The following THSD4 variants were observed in gnomAD, a reference collection of about 807,000 sequenced individuals.
THSD4 encodes the protein thrombospondin type 1 domain containing 4.
THSD4 carries 69 observed loss-of-function variants against 119.0 expected under a neutral mutation model. That is an observed-to-expected ratio of 0.58 (90% confidence interval 0.48 to 0.71). The LOEUF (loss-of-function observed/expected upper bound fraction) is 0.71, where lower values mean the gene tolerates loss of function less well. Among genes scored for constraint, THSD4 ranks in the 30% least tolerant of loss-of-function variants. THSD4 has a pLI of 0.00. For missense variants in THSD4, 1,393 were observed against 1,391.1 expected, an observed-to-expected ratio of 1.00 and a Z score of -0.02; for synonymous variants, 524 against 540.4, an observed-to-expected ratio of 0.97 and a Z score of 0.42.
chr15:71,396,441 G>A (rs899631286), intron 6 of THSD4, among the ~76,000 whole-genome samples: 12 of 152,110 alleles, frequency 7.9e-5, no homozygotes, highest in Non-Finnish European at 1.8e-4. Context: ...ACTTTCTCTG[G>A]TTTCCAAGAC....
At position 71,215,118 on chromosome 15, in the gene THSD4, CT is replaced by C; in HGVS notation, c.184del (p.Trp62GlyfsTer12). On this transcript the variant is annotated frameshift_variant, in exon 4 of 18. Coordinates refer to ENST00000261862, the MANE Select transcript of THSD4 (RefSeq NM_024817.3). LOFTEE classifies it high-confidence loss of function. ...APGVWGAWGP[W>X]SACSRSCSGG... Reference sequence around the variant, plus strand: ...CGGGAGTGTGGGGCGCCTGGGGCCCCTGGTCGGCCTGCTCGCGTAGCTGCAG... The same window carrying C: ...CGGGAGTGTGGGGCGCCTGGGGCCCCGGTCGGCCTGCTCGCGTAGCTGCAG... 7.4e-7 allele frequency: 1 copy of C among 1,355,872 alleles called. No individual in the cohort carries two copies. The highest frequency in any genetic ancestry group is 9.5e-7 in the Non-Finnish European group (1 of 1,049,814). 84.0% of individuals were successfully genotyped at this position (1,355,872 alleles called of 1,614,324 possible).
At chr15:71,303,982 G>T (rs1018580402) in intron 6 of THSD4, among the ~76,000 whole-genome samples, 7 of 152,142 alleles carry the variant, frequency 4.6e-5, no homozygotes, top group African/African-American at 1.4e-4. Context: ...TGACCTTCAG[G>T]ATCAGAGGGC....
At chr15:71,477,637 C>G (rs558865908) in intron 7 of THSD4, among the ~76,000 whole-genome samples, 2 of 152,182 alleles carry the variant, frequency 1.3e-5, no homozygotes, top group African/African-American at 4.8e-5. Flanking sequence ...CCTGTTCTCA[C>G]CTCCTTAGCT....
chr15:71,558,973 G>T (rs2049068394), intron 7 of THSD4, among the ~76,000 whole-genome samples: 1 of 152,130 alleles, frequency 6.6e-6, no homozygotes, highest in Admixed American at 6.5e-5. Flanking sequence ...TTATGGCTTA[G>T]TATGTGAGCA....
chr15:71,633,066 G>T (rs112548998), intron 7 of THSD4, among the ~76,000 whole-genome samples: 28 of 152,176 alleles, frequency 1.8e-4, no homozygotes, highest in African/African-American at 6.5e-4. Flanking sequence ...AAAGAAAAGA[G>T]GACAAAAAGG....
At chr15:71,242,394 A>T (rs1238547580) in intron 4 of THSD4, among the ~76,000 whole-genome samples, 1 of 152,046 alleles carries the variant, frequency 6.6e-6, no homozygotes, top group Non-Finnish European at 1.5e-5. Flanking sequence ...CTCATTTCCA[A>T]CCACTTGCAT....
intron 3 of THSD4, among the ~76,000 whole-genome samples, chr15:71,214,230 A>T (rs1447823695): frequency 1.4e-5 from 2 of 147,954 alleles, no homozygotes; most frequent in East Asian, 1.9e-4. Context: ...ATAAGGGACT[A>T]AAAGCTGGCG....
intron 6 of THSD4, among the ~76,000 whole-genome samples, chr15:71,372,766 A>C (rs574945792): frequency 6.6e-6 from 1 of 152,328 alleles, no homozygotes; most frequent in African/African-American, 2.4e-5. Context: ...CTCACATCTC[A>C]AACTCCGTAC....
intron 6 of THSD4, among the ~76,000 whole-genome samples, chr15:71,321,578 A>T (rs1262774928): frequency 1.3e-5 from 2 of 152,150 alleles, no homozygotes; most frequent in Non-Finnish European, 2.9e-5. Flanking sequence ...TCTCTTTTAA[A>T]ACATAAGGTT....
At chr15:71,679,014 A>G (rs2051713505) in intron 8 of THSD4, among the ~76,000 whole-genome samples, 1 of 152,204 alleles carries the variant, frequency 6.6e-6, no homozygotes, top group African/African-American at 2.4e-5. Flanking sequence ...CTTTGATTAA[A>G]GAAAACATTG....
chr15:71,755,949 C>T (rs1156858141), intron 14 of THSD4, among the ~76,000 whole-genome samples: 2 of 151,854 alleles, frequency 1.3e-5, no homozygotes, highest in Admixed American at 6.6e-5. Context: ...GGCAAGGGCT[C>T]TGTGAGCCTT....
intron 8 of THSD4, among the ~76,000 whole-genome samples, chr15:71,706,537 A>G (rs1183149988): frequency 1.3e-5 from 2 of 152,234 alleles, no homozygotes; most frequent in African/African-American, 4.8e-5. Context: ...GAAATTGACC[A>G]GAGAAGGTTG....
chr15:71,236,354 CT>C (rs1373978216), intron 4 of THSD4, among the ~76,000 whole-genome samples: 2 of 152,320 alleles, frequency 1.3e-5, no homozygotes, highest in East Asian at 3.9e-4. Context: ...CTCTTGAGCT[CT>C]TAATTCTTCA....
At chr15:71,341,589 G>T (rs765028905) in intron 6 of THSD4, 1 of 1,597,220 alleles carries the variant, frequency 6.3e-7, no homozygotes, top group Admixed American at 1.7e-5. Flanking sequence ...GTGGCTTTTC[G>T]TATATGCATA....
intron 6 of THSD4, among the ~76,000 whole-genome samples, chr15:71,293,726 C>A (rs1416194737): frequency 6.6e-6 from 1 of 152,110 alleles, no homozygotes; most frequent in Non-Finnish European, 1.5e-5. Context: ...TGGATATCTC[C>A]TCTCTTTTTG....
rs1484095302 is a variant in THSD4, at chr15:71,377,892, A to ACCCC, written c.1016-33794_1016-33793insCCCC. On this transcript the variant is annotated intron_variant, in intron 6 of 17. Coordinates refer to ENST00000261862, the MANE Select transcript of THSD4 (RefSeq NM_024817.3). Reference sequence around the variant, plus strand: ...AACACACACACACACACACACACACACACACACACACACACACACACAATT... The same window carrying ACCCC: ...AACACACACACACACACACACACACACCCCCACACACACACACACACACACAATT... Among the ~76,000 whole-genome samples, 47 of 84,042 alleles carry ACCCC rather than the reference A, an allele frequency of 5.6e-4. 1 individual carries two copies. Among genetic ancestry groups the ACCCC allele is most frequent in the South Asian group, 1.6e-3 (4 of 2,496 alleles). The allele number at this position is 84,042 out of a possible 152,430, so 55.1% of individuals were successfully genotyped here.
At chr15:71,355,611 G>A (rs1007488915) in intron 6 of THSD4, among the ~76,000 whole-genome samples, 5 of 152,114 alleles carry the variant, frequency 3.3e-5, no homozygotes, top group Non-Finnish European at 7.4e-5. Flanking sequence ...GGACTGTCCC[G>A]GGTGCTGGTC....
chr15:71,099,734 G>T (rs866729303), intron 1 of THSD4, among the ~76,000 whole-genome samples: 2 of 152,076 alleles, frequency 1.3e-5, no homozygotes, highest in Non-Finnish European at 2.9e-5. Flanking sequence ...GGAGGCCAAG[G>T]GGGGCAGATC....
chr15:71,540,832 C>T (rs2048750036), intron 7 of THSD4, among the ~76,000 whole-genome samples: 1 of 149,532 alleles, frequency 6.7e-6, no homozygotes, highest in Non-Finnish European at 1.5e-5. Context: ...AAGTGATTCT[C>T]CTGTCTCAGC....
Sources: gnomAD v4.1 joint callset for allele counts (sites outside exome capture counted in the v4.1 genomes callset) on GRCh38, gnomAD v4.1.1 for gene constraint, MANE v1.5 for transcripts, NCBI Gene and HGNC (gene_info 2026-07-23, HGNC 2026-07-21) for gene names.